DNAJC24: variants seen among roughly 807,000 people sequenced by gnomAD.
DNAJC24 encodes DnaJ heat shock protein family (Hsp40) member C24.
A neutral mutation model predicts 18.0 loss-of-function variants in DNAJC24; 17 were observed. The ratio of observed to expected loss-of-function variants is 0.94; its 90% confidence interval spans 0.65 to 1.42. The LOEUF is 1.42. Ranked by LOEUF, DNAJC24 falls within the 40% of genes most tolerant of loss-of-function variation. The probability of loss-of-function intolerance (pLI) is 0.00; values close to 1 mark genes in which losing one functional copy is unlikely to be tolerated. For missense variants in DNAJC24, 158 were observed against 175.6 expected, an observed-to-expected ratio of 0.90 and a Z score of 0.57; for synonymous variants, 55 against 57.7, an observed-to-expected ratio of 0.95 and a Z score of 0.21.
intron 2 of DNAJC24, 47 bp from the exon 3 acceptor site, chr11:31,414,764 C>T: frequency 6.4e-7 from 1 of 1,559,556 alleles, no homozygotes; most frequent in Non-Finnish European, 8.7e-7. Context: ...TCTAACCCCA[C>T]TCAGCTCTCT....
intron 2 of DNAJC24, chr11:31,374,184 G>C (rs1206736964): frequency 1.4e-5 from 5 of 364,948 alleles, no homozygotes; most frequent in African/African-American, 1.0e-4. Context: ...ATTTTAAGAG[G>C]AAAACCTTCA....
At chr11:31,408,318 C>T (rs769816248) in intron 2 of DNAJC24, 24 of 397,994 alleles carry the variant, frequency 6.0e-5, no homozygotes, top group Non-Finnish European at 4.9e-5. Context: ...AGTCCTCCCT[C>T]TGAAGATTTG....
intron 2 of DNAJC24, among the ~76,000 whole-genome samples, chr11:31,377,387 G>A (rs1006759741): frequency 5.9e-5 from 9 of 151,980 alleles, no homozygotes; most frequent in African/African-American, 2.2e-4. Context: ...TTTACGTAAA[G>A]TGCAGAATTA....
intron 3 of DNAJC24, among the ~76,000 whole-genome samples, chr11:31,423,790 A>G (rs1952833936): frequency 6.6e-6 from 1 of 152,194 alleles, no homozygotes; most frequent in Non-Finnish European, 1.5e-5. Flanking sequence ...ACAGCCACAG[A>G]ATATGAAAAT....
Position 31,426,365 on chromosome 11 carries a change from T to A in DNAJC24, c.319+10T>A. 1 of 1,484,826 alleles carries A rather than the reference T, an allele frequency of 6.7e-7. No individual in the cohort carries two copies. The highest frequency in any genetic ancestry group is 9.1e-7 in the Non-Finnish European group (1 of 1,100,058). The allele number at this position is 1,484,826 out of a possible 1,614,324, so 92.0% of individuals were successfully genotyped here. On this transcript the variant is annotated intron_variant, in intron 4 of 4. Coordinates refer to ENST00000465995, the MANE Select transcript of DNAJC24 (RefSeq NM_181706.5). Reference sequence around the variant, plus strand: ...ATGTCTTGGAATGAAGGTTGGATTTTTTTTTTCTCTTGACAACATTTAAAA... The same window carrying A: ...ATGTCTTGGAATGAAGGTTGGATTTATTTTTTCTCTTGACAACATTTAAAA...
chr11:31,380,902 CT>C (rs1353991547), intron 2 of DNAJC24, among the ~76,000 whole-genome samples: 1 of 152,084 alleles, frequency 6.6e-6, no homozygotes, highest in Non-Finnish European at 1.5e-5. Context: ...TTTATTTGGC[CT>C]TTAATGAACC....
chr11:31,428,371 G>T (rs1247070932), intron 4 of DNAJC24, among the ~76,000 whole-genome samples: 1 of 152,154 alleles, frequency 6.6e-6, no homozygotes, highest in East Asian at 1.9e-4. Context: ...AGAGCTACAT[G>T]AAACCATTAT....
At chr11:31,407,700 A>ATATATAT (rs1451363011) in intron 2 of DNAJC24, among the ~76,000 whole-genome samples, 11 of 103,616 alleles carry the variant, frequency 1.1e-4, no homozygotes, top group South Asian at 5.8e-4. Context: ...AAAAAAAAAA[A>ATATATAT]AAAAAAATAT....
chr11:31,401,878 C>T (rs1023167686), intron 2 of DNAJC24, among the ~76,000 whole-genome samples: 1 of 152,112 alleles, frequency 6.6e-6, no homozygotes, highest in African/African-American at 2.4e-5. Context: ...ATGTTAAATG[C>T]AGGATTCCAT....
At position 31,376,679 on chromosome 11, in the gene DNAJC24, C is replaced by A. The variant is rs183788908; in HGVS notation, c.111+5820C>A. Reference sequence around the variant, plus strand: ...ATCATGTATCCTCTGACTCTAGATTCTCTCGCATTATATCACACTTCTCAT... The same window carrying A: ...ATCATGTATCCTCTGACTCTAGATTATCTCGCATTATATCACACTTCTCAT... On this transcript the variant is annotated intron_variant, in intron 2 of 4. Transcript: ENST00000465995. Among the ~76,000 whole-genome samples the A allele has an allele frequency of 2.5e-3, 383 of 152,294 alleles. 3 individuals are homozygous for A. In the South Asian group the frequency reaches 0.03, roughly 12 times the overall value.
chr11:31,371,371 T>G (rs1474195174), intron 2 of DNAJC24, among the ~76,000 whole-genome samples: 1 of 152,230 alleles, frequency 6.6e-6, no homozygotes, highest in Non-Finnish European at 1.5e-5. Context: ...TCACTGGTTT[T>G]ATTTTTCCTC....
intron 2 of DNAJC24, among the ~76,000 whole-genome samples, chr11:31,408,753 G>A (rs183204283): frequency 1.1e-4 from 17 of 152,142 alleles, no homozygotes; most frequent in South Asian, 6.2e-4. Context: ...GAATGATATG[G>A]TAATTTAAAG....
intron 2 of DNAJC24, among the ~76,000 whole-genome samples, chr11:31,372,935 A>C (rs1272108020): frequency 7.5e-6 from 1 of 134,194 alleles, no homozygotes; most frequent in African/African-American, 2.5e-5. Context: ...TCACTGGACT[A>C]CTCTACAGTG....
chr11:31,398,149 C>A (rs1268064454), intron 2 of DNAJC24, among the ~76,000 whole-genome samples: 1 of 151,958 alleles, frequency 6.6e-6, no homozygotes, highest in Non-Finnish European at 1.5e-5. Flanking sequence ...GCCTTTATTT[C>A]AAAAATAGTG....
chr11:31,418,994 A>C (rs1242378162), intron 3 of DNAJC24, among the ~76,000 whole-genome samples: 1 of 152,128 alleles, frequency 6.6e-6, no homozygotes, highest in Non-Finnish European at 1.5e-5. Flanking sequence ...TAAACTCAAA[A>C]TAAGAATCCT....
intron 3 of DNAJC24, among the ~76,000 whole-genome samples, chr11:31,419,264 G>T (rs945475368): frequency 3.3e-5 from 5 of 151,960 alleles, no homozygotes; most frequent in African/African-American, 1.2e-4. Flanking sequence ...ATAAGCATCG[G>T]GGGGTATGTT....
At position 31,432,325 on chromosome 11, in the gene DNAJC24, A is replaced by T. The variant is rs1024349378; in HGVS notation, c.*1924A>T. 1.2e-5 allele frequency: 6 copies of T among 517,694 alleles called. No homozygotes were observed. In the East Asian group the frequency reaches 1.5e-4, roughly 13 times the overall value. 32.1% of individuals were successfully genotyped at this position (517,694 alleles called of 1,614,324 possible). A position where few individuals can be genotyped will look rare whatever the true frequency, so the allele number is the denominator to read the frequency against. ...TTTTTTGGGTTACATTTTTATCCAT[A>T]TATTTTGAACTAACAGAACTTGGCA... is the stretch of plus-strand genomic sequence containing the variant. On this transcript the variant is annotated 3_prime_UTR_variant, in exon 5 of 5. Coordinates refer to ENST00000465995, the MANE Select transcript of DNAJC24 (RefSeq NM_181706.5).
chr11:31,404,216 C>T (rs1038315276), intron 2 of DNAJC24, among the ~76,000 whole-genome samples: 6 of 152,146 alleles, frequency 3.9e-5, no homozygotes, highest in Non-Finnish European at 8.8e-5. Context: ...CCTATCTCAT[C>T]CTGTGACTTT....
At position 31,376,227 on chromosome 11, in the gene DNAJC24, G is replaced by C. The variant is rs145211877; in HGVS notation, c.111+5368G>C. 2.0e-5 allele frequency among the ~76,000 whole-genome samples: 3 copies of C among 152,148 alleles called. No individual in the cohort carries two copies. In the East Asian group the frequency reaches 5.8e-4, roughly 29 times the overall value. On this transcript the variant is annotated intron_variant, in intron 2 of 4. Transcript: ENST00000465995. ...CCATGATTGCGAGGCCTCCCCAGCCGTGTGGAACTTTGAACCATTAAACCT... is the reference window on the plus strand; with the variant it reads ...CCATGATTGCGAGGCCTCCCCAGCCCTGTGGAACTTTGAACCATTAAACCT...
Sources: gnomAD v4.1 joint callset for allele counts (sites outside exome capture counted in the v4.1 genomes callset) on GRCh38, gnomAD v4.1.1 for gene constraint, MANE v1.5 for transcripts, NCBI Gene and HGNC (gene_info 2026-07-23, HGNC 2026-07-21) for gene names.